PLXNA2: variants seen among roughly 807,000 people sequenced by gnomAD.
The protein encoded by PLXNA2 is plexin A2.
Under a neutral mutation model 193.5 loss-of-function variants are expected in PLXNA2, and 91 were observed. The ratio of observed to expected loss-of-function variants is 0.47; its 90% CI spans 0.40 to 0.56. The LOEUF (loss-of-function observed/expected upper bound fraction) is 0.56. PLXNA2 is among the 20% of genes least tolerant of loss of function. The pLI is 0.00. For synonymous variants in PLXNA2, 997 were observed against 1,027.3 expected (o/e 0.97, Z 0.56); for missense variants, 1,995 against 2,503.2 (o/e 0.80, Z 4.33).
intron 5 of PLXNA2, 69 bp from the exon 6 acceptor site, chr1:208,099,038 G>A (rs1667009195): frequency 1.1e-5 from 17 of 1,576,384 alleles, no homozygotes; most frequent in Non-Finnish European, 1.5e-5. Flanking sequence ...ATTGTCCCCT[G>A]GGCAGGATGG....
intron 13 of PLXNA2, among the ~76,000 whole-genome samples, chr1:208,056,202 C>A (rs901225837): frequency 1.3e-5 from 2 of 152,186 alleles, no homozygotes; most frequent in Non-Finnish European, 2.9e-5. Flanking sequence ...CAAACGATGC[C>A]CACCATGCTC....
At chr1:208,070,013 G>A (rs12094094) in intron 12 of PLXNA2, among the ~76,000 whole-genome samples, 1 of 152,036 alleles carries the variant, frequency 6.6e-6, no homozygotes, top group Non-Finnish European at 1.5e-5. Context: ...CTTCTTGAAG[G>A]TTCCACAGTG....
chr1:208,164,390 C>T (rs1259737708), intron 3 of PLXNA2, among the ~76,000 whole-genome samples: 1 of 152,246 alleles, frequency 6.6e-6, no homozygotes, highest in Non-Finnish European at 1.5e-5. Flanking sequence ...GCTCCGCATG[C>T]CCTAATGCAA....
intron 22 of PLXNA2, among the ~76,000 whole-genome samples, chr1:208,041,543 T>C (rs946706444): frequency 1.3e-5 from 2 of 152,214 alleles, no homozygotes; most frequent in African/African-American, 4.8e-5. Flanking sequence ...ATAATGGGAA[T>C]GTTCTCTATC....
At chr1:208,215,664 T>G (rs932656445) in intron 2 of PLXNA2, among the ~76,000 whole-genome samples, 46 of 150,736 alleles carry the variant, frequency 3.1e-4, no homozygotes, top group Non-Finnish European at 3.0e-5. Context: ...GAGAGATGCA[T>G]GGAGGGAGAG....
chr1:208,229,121 G>A (rs1671606980), intron 1 of PLXNA2, among the ~76,000 whole-genome samples: 1 of 152,116 alleles, frequency 6.6e-6, no homozygotes, highest in Admixed American at 6.5e-5. Flanking sequence ...GTCTGCCTCA[G>A]TACACAGGCT....
chr1:208,152,097 G>T (rs529986020), intron 3 of PLXNA2, among the ~76,000 whole-genome samples: 42 of 152,282 alleles, frequency 2.8e-4, no homozygotes, highest in African/African-American at 9.9e-4. Flanking sequence ...GCCTGAGATT[G>T]CCCTGCATTT....
intron 3 of PLXNA2, among the ~76,000 whole-genome samples, chr1:208,167,398 A>G (rs559117265): frequency 2.0e-5 from 3 of 152,198 alleles, no homozygotes; most frequent in African/African-American, 7.2e-5. Flanking sequence ...TCCCTGGAGG[A>G]GCCATAATAT....
Position 208,189,001 on chromosome 1 carries a change from T to C in PLXNA2, c.1371+21279A>G, listed in dbSNP as rs1230495416. ...CTTAGGATGGAAAGGACCTGGTGCA[T>C]GGCAGGTTCTCTATGAATGAGTTTC... On this transcript the variant is annotated intron_variant, in intron 3 of 31. Coordinates refer to ENST00000367033, the MANE Select transcript of PLXNA2 (RefSeq NM_025179.4). Among the ~76,000 whole-genome samples, 3 of 152,294 alleles carry C rather than the reference T, an allele frequency of 2.0e-5. No individual in the cohort carries two copies. In the East Asian group the frequency reaches 5.8e-4, roughly 29 times the overall value.
rs1571910571 is a variant in PLXNA2, at chr1:208,096,216, AC to A, written c.1886-92del. The A allele has an allele frequency of 6.5e-6, 6 of 923,054 alleles. No homozygotes were observed. In the East Asian group the frequency reaches 1.4e-4, roughly 22 times the overall value. The allele number at this position is 923,054 out of a possible 1,614,324, so 57.2% of individuals were successfully genotyped here. ...AAAATAAAATGTAAGTCATGAAGCC[AC>A]CACAGGGCTCTCTTAGGATGTAGAT... On this transcript the variant is annotated intron_variant, in intron 7 of 31. Transcript: ENST00000367033.
rs777303585 is a variant in PLXNA2, at chr1:208,037,179, GA to G, written c.4764+1191del. ...ACAGATGAGGAGCCCAAGGTGCAGA[GA>G]GATTAAAGTCACACCACCAAGGAGT... On this transcript the variant is annotated intron_variant, in intron 26 of 31. Transcript: ENST00000367033. Among the ~76,000 whole-genome samples the G allele has an allele frequency of 8.4e-4, 128 of 152,288 alleles. 1 individual carries two copies. The highest frequency in any genetic ancestry group is 5.8e-3 in the Admixed American group (89 of 15,300).
chr1:208,049,784 G>A (rs180726315), intron 17 of PLXNA2, among the ~76,000 whole-genome samples: 6 of 152,260 alleles, frequency 3.9e-5, no homozygotes, highest in Admixed American at 3.9e-4. Flanking sequence ...CTGTCATTTT[G>A]TGTATCTCTG....
intron 2 of PLXNA2, among the ~76,000 whole-genome samples, chr1:208,216,365 C>A (rs1399764541): frequency 6.6e-6 from 1 of 152,180 alleles, no homozygotes; most frequent in Non-Finnish European, 1.5e-5. Flanking sequence ...CCATTATCAC[C>A]ATTTGGCAAA....
At chr1:208,029,540 C>A in intron 29 of PLXNA2, 4 of 995,038 alleles carry the variant, frequency 4.0e-6, no homozygotes, top group Non-Finnish European at 4.8e-6. Context: ...AGCTACTTCC[C>A]AGGGCTGGCC....
At chr1:208,140,381 C>T (rs949351893) in intron 4 of PLXNA2, among the ~76,000 whole-genome samples, 2 of 152,174 alleles carry the variant, frequency 1.3e-5, no homozygotes, top group Non-Finnish European at 2.9e-5. Flanking sequence ...GGTACCTTCT[C>T]GGTCCCACTA....
intron 4 of PLXNA2, among the ~76,000 whole-genome samples, chr1:208,130,641 T>G (rs1668117721): frequency 6.6e-6 from 1 of 152,162 alleles, no homozygotes; most frequent in Non-Finnish European, 1.5e-5. Context: ...CCAGTTGACC[T>G]TGACTCAGAT....
chr1:208,188,109 G>A (rs1388371516), intron 3 of PLXNA2, among the ~76,000 whole-genome samples: 1 of 152,158 alleles, frequency 6.6e-6, no homozygotes, highest in African/African-American at 2.4e-5. Context: ...GGAGCCCCCA[G>A]ATCACGTCTT....
At chr1:208,186,876 C>T (rs891808863) in intron 3 of PLXNA2, among the ~76,000 whole-genome samples, 3 of 150,872 alleles carry the variant, frequency 2.0e-5, no homozygotes, top group South Asian at 2.1e-4. Flanking sequence ...CCCGCCACCG[C>T]GCCCGGCTAA....
intron 4 of PLXNA2, among the ~76,000 whole-genome samples, chr1:208,136,582 C>T (rs1668307400): frequency 1.3e-5 from 2 of 152,224 alleles, no homozygotes; most frequent in South Asian, 4.1e-4. Flanking sequence ...TCTGGCCTCA[C>T]ACATCGGCCT....
Sources: allele counts gnomAD v4.1 joint callset (sites outside exome capture counted in the v4.1 genomes callset), GRCh38; gene constraint gnomAD v4.1.1; transcripts MANE v1.5; gene names NCBI Gene and HGNC (gene_info 2026-07-23, HGNC 2026-07-21).